ROCK2: variants seen among roughly 807,000 people sequenced by gnomAD.
ROCK2 encodes the protein rho-associated protein kinase 2.
Under a neutral mutation model 195.1 loss-of-function variants are expected in ROCK2, and 61 were observed. The ratio of observed to expected loss-of-function variants is 0.31; its 90% CI spans 0.25 to 0.39. The LOEUF (loss-of-function observed/expected upper bound fraction) is 0.39, where lower values mean the gene tolerates loss of function less well. Ranked by LOEUF, ROCK2 falls within the 10% of genes least tolerant of loss-of-function variation. ROCK2 has a pLI of 1.00. For missense variants in ROCK2, 1,109 were observed against 1,637.4 expected (o/e 0.68, Z 5.57); for synonymous variants, 504 against 545.5 (o/e 0.92, Z 1.06).
chr2:11,243,977 A>T (rs1296407102), intron 4 of ROCK2, among the ~76,000 whole-genome samples: 1 of 152,196 alleles, frequency 6.6e-6, no homozygotes, highest in Non-Finnish European at 1.5e-5. Context: ...GTGGATAATT[A>T]TAGTACGTGG....
intron 1 of ROCK2, among the ~76,000 whole-genome samples, chr2:11,341,539 T>G (rs1263723054): frequency 2.0e-5 from 3 of 152,210 alleles, no homozygotes; most frequent in Non-Finnish European, 2.9e-5. Context: ...CCTAGCCCAC[T>G]GAAAGCATCA....
chr2:11,197,175 C>T lies in ROCK2; in HGVS notation c.3448+5G>A, dbSNP rs1395513350. On this transcript the variant is annotated splice_donor_5th_base_variant and intron_variant, in intron 27 of 32. Coordinates refer to ENST00000315872, the MANE Select transcript of ROCK2 (RefSeq NM_004850.5). This position sits in a 1 kb window ranked among gnomAD's most constrained non-coding sequence, Gnocchi z 4.9. Reference sequence around the variant, plus strand: ...TAAATATTAGTGCTGAAAACAAATCCATACCTGGAAACCCATCATCTGCCT... The same window carrying T: ...TAAATATTAGTGCTGAAAACAAATCTATACCTGGAAACCCATCATCTGCCT... 1 of 1,587,116 alleles carries T rather than the reference C, an allele frequency of 6.3e-7. No individual in the cohort carries two copies. The highest frequency in any genetic ancestry group is 8.6e-7 in the Non-Finnish European group (1 of 1,169,398).
intron 1 of ROCK2, among the ~76,000 whole-genome samples, chr2:11,309,244 A>T (rs1053636873): frequency 1.3e-5 from 2 of 152,184 alleles, no homozygotes; most frequent in Non-Finnish European, 2.9e-5. Context: ...TAATCTAGAA[A>T]TGATTTAAAG....
At chr2:11,296,033 A>G (rs1014020388) in intron 1 of ROCK2, among the ~76,000 whole-genome samples, 2 of 148,326 alleles carry the variant, frequency 1.3e-5, no homozygotes, top group Non-Finnish European at 3.0e-5. Context: ...AGAGAGAGAG[A>G]GAGAGAGAGA....
At chr2:11,253,038 A>G (rs974639894) in intron 3 of ROCK2, among the ~76,000 whole-genome samples, 5 of 151,660 alleles carry the variant, frequency 3.3e-5, no homozygotes, top group Non-Finnish European at 5.9e-5. Context: ...TGTTATGTAC[A>G]CAATTAGGAT....
chr2:11,345,038 C>T (rs951238146), upstream of ROCK2, among the ~76,000 whole-genome samples: 1 of 151,758 alleles, frequency 6.6e-6, no homozygotes, highest in African/African-American at 2.4e-5. Context: ...GCGCCCCCCG[C>T]CGCGGCCCCC....
chr2:11,285,694 G>T (rs1667163352), intron 3 of ROCK2, among the ~76,000 whole-genome samples: 1 of 152,064 alleles, frequency 6.6e-6, no homozygotes, highest in African/African-American at 2.4e-5. Flanking sequence ...TGGGTGTGTG[G>T]CACATGCCTA....
At chr2:11,289,810 T>C (rs1667305458) in intron 1 of ROCK2, among the ~76,000 whole-genome samples, 1 of 152,186 alleles carries the variant, frequency 6.6e-6, no homozygotes, top group Non-Finnish European at 1.5e-5. Flanking sequence ...ATCTGGAAAG[T>C]TTATAAATAT....
Position 11,183,459 on chromosome 2 carries a change from T to TA in ROCK2, c.4164-20dup, listed in dbSNP as rs758609834. ...CAGTTAGCTGAAAAGAAAGGAAAAA[T>TA]AAAGTTAGTTGATACAGTGAAATAA... On this transcript the variant is annotated intron_variant, in intron 32 of 32. Transcript: ENST00000315872. 6.4e-7 allele frequency: 1 copy of TA among 1,561,594 alleles called. No homozygotes were observed. Among genetic ancestry groups the TA allele is most frequent in the East Asian group, 2.3e-5 (1 of 43,970 alleles).
chr2:11,313,433 T>G (rs527543302), intron 1 of ROCK2, among the ~76,000 whole-genome samples: 1 of 152,220 alleles, frequency 6.6e-6, no homozygotes, highest in African/African-American at 2.4e-5. Flanking sequence ...AAATTATCTC[T>G]TATTGATGTT....
intron 1 of ROCK2, among the ~76,000 whole-genome samples, chr2:11,288,900 T>C (rs1210626195): frequency 3.3e-5 from 5 of 152,120 alleles, no homozygotes; most frequent in Non-Finnish European, 7.4e-5. Context: ...AGTGACACCC[T>C]GTCTCTGAAA....
intron 3 of ROCK2, among the ~76,000 whole-genome samples, chr2:11,256,523 G>A (rs1666041401): frequency 6.6e-6 from 1 of 150,982 alleles, no homozygotes. Context: ...AGTCTCTCAG[G>A]TAGTTCTTTA....
intron 1 of ROCK2, among the ~76,000 whole-genome samples, chr2:11,300,293 G>A (rs1333392760): frequency 1.3e-5 from 2 of 152,108 alleles, no homozygotes; most frequent in African/African-American, 2.4e-5. Flanking sequence ...ACGGAGTTTC[G>A]CTCTTGTTGC....
At chr2:11,302,689 C>T (rs1667744799) in intron 1 of ROCK2, among the ~76,000 whole-genome samples, 1 of 152,102 alleles carries the variant, frequency 6.6e-6, no homozygotes, top group Non-Finnish European at 1.5e-5. Context: ...GTAAAATACA[C>T]ATTGGATTTC....
chr2:11,344,491 C>T lies in ROCK2; in HGVS notation c.-355G>A. ...GCGCCGCCACCGCCGCGGCCCGGAC[C>T]GCCCCGCCCTCTGGGGCCCCGGGAG... On this transcript the variant is annotated 5_prime_UTR_variant, in exon 1 of 33. Transcript: ENST00000315872. This position sits in a 1 kb window ranked among gnomAD's most constrained non-coding sequence, Gnocchi z 5.4. 1 of 992,688 alleles carries T rather than the reference C, an allele frequency of 1.0e-6. No individual in the cohort carries two copies. The highest frequency in any genetic ancestry group is 1.2e-6 in the Non-Finnish European group (1 of 835,432). 61.5% of individuals were successfully genotyped at this position (992,688 alleles called of 1,614,324 possible). A position where few individuals can be genotyped will look rare whatever the true frequency, so the allele number is the denominator to read the frequency against.
chr2:11,255,216 C>CAAAAAAAAA (rs70953375), intron 3 of ROCK2, among the ~76,000 whole-genome samples: 72 of 109,162 alleles, frequency 6.6e-4, no homozygotes, highest in Middle Eastern at 4.3e-3. Flanking sequence ...GACCCCATCT[C>CAAAAAAAAA]AAAAAAAAAA....
At chr2:11,209,951 C>A (rs1278741683) in intron 18 of ROCK2, among the ~76,000 whole-genome samples, 1 of 152,178 alleles carries the variant, frequency 6.6e-6, no homozygotes, top group Non-Finnish European at 1.5e-5. Flanking sequence ...TGTCCCTTCA[C>A]AGGAAACAAG....
In ROCK2 at chr2:11,235,450, G is replaced by T. The variant is rs1026023142; in HGVS notation, c.723+252C>A. Among the ~76,000 whole-genome samples, 7 of 152,098 alleles carry T rather than the reference G, an allele frequency of 4.6e-5. No homozygotes were observed. Among genetic ancestry groups the T allele is most frequent in the African/African-American group, 1.7e-4 (7 of 41,442 alleles). On this transcript the variant is annotated intron_variant, in intron 5 of 32. Transcript: ENST00000315872. The surrounding 1 kb of genome is among the most constrained non-coding windows in gnomAD (Gnocchi z 4.2). ...GATTGGTAGCAAATGCTTGTCAACA[G>T]TCTATGAGGAAGATAACTAAGCTAA... is the stretch of plus-strand genomic sequence containing the variant.
intron 18 of ROCK2, among the ~76,000 whole-genome samples, chr2:11,210,629 C>A (rs1356697200): frequency 6.6e-6 from 1 of 152,308 alleles, no homozygotes; most frequent in African/African-American, 2.4e-5. Flanking sequence ...ATGTGAGCCA[C>A]CATGCCTAGC....
Sources: allele counts gnomAD v4.1 joint callset (sites outside exome capture counted in the v4.1 genomes callset), GRCh38; gene constraint gnomAD v4.1.1; non-coding constraint Gnocchi (gnomAD v3.1); transcripts MANE v1.5; gene names NCBI Gene and HGNC (gene_info 2026-07-23, HGNC 2026-07-21).